MIIP: variants seen among roughly 807,000 people sequenced by gnomAD.
The protein encoded by MIIP is migration and invasion inhibitory protein, also known as migration and invasion-inhibitory protein.
Under a neutral mutation model 44.8 loss-of-function variants are expected in MIIP, and 44 were observed. The observed-to-expected ratio is 0.98, with a 90% CI of 0.77 to 1.26. The LOEUF is 1.26. MIIP is among the 50% of genes most tolerant of loss of function. MIIP has a pLI of 0.00. For synonymous variants in MIIP, 225 were observed against 218.3 expected (o/e 1.03, Z -0.27); for missense variants, 496 against 511.7 (o/e 0.97, Z 0.30).
Position 12,022,138 on chromosome 1 carries a change from C to T in MIIP, c.158C>T (p.Ser53Leu), listed in dbSNP as rs140386512. Reference sequence around the variant, plus strand: ...AGCAGCTACAACTCAGAGACTCCATCGACCCCAGAGACGTCCTCAACTTCC... The same window carrying T: ...AGCAGCTACAACTCAGAGACTCCATTGACCCCAGAGACGTCCTCAACTTCC... ...SSSSYNSETPSTPETSSTSLS... is the reference protein window; with the variant it reads ...SSSSYNSETPLTPETSSTSLS... Residue 53 changes from serine to leucine, a missense_variant, in exon 3 of 10, where the codon TCG (serine) becomes TTG (leucine). Physicochemically the swap from Ser to Leu is moderately radical, Grantham distance 145. Transcript: ENST00000235332. 22 of 1,613,926 alleles carry T rather than the reference C, an allele frequency of 1.4e-5. No homozygotes were observed. In the East Asian group the frequency reaches 4.5e-4, roughly 33 times the overall value.
At chr1:12,020,149 T>C (rs1027484735) in intron 1 of MIIP, among the ~76,000 whole-genome samples, 1 of 152,248 alleles carries the variant, frequency 6.6e-6, no homozygotes, top group Non-Finnish European at 1.5e-5. Context: ...CCTGAACTCA[T>C]GGACCCTGGA....
intron 4 of MIIP, chr1:12,028,672 C>T (rs188628520): frequency 3.8e-5 from 8 of 212,360 alleles, no homozygotes; most frequent in Admixed American, 1.6e-4. Flanking sequence ...TCTTGTATCA[C>T]GGGTTTTTTT....
chr1:12,022,394 G>A lies in MIIP; in HGVS notation c.414G>A (p.Glu138=). The A allele has an allele frequency of 5.0e-6, 8 of 1,606,776 alleles. No individual in the cohort carries two copies. Among genetic ancestry groups the A allele is most frequent in the Non-Finnish European group, 6.8e-6 (8 of 1,177,286 alleles). ...GGCTGGGTGATCCAGGACCCCAGGA[G>A]GCACAGACCCCGAGGTCCATCCTGG... is the stretch of plus-strand genomic sequence containing the variant. ...SGRLGDPGPQ[E]AQTPRSILAQ... Residue 138 remains glutamate (E), a synonymous_variant, in exon 3 of 10, where the codon GAG becomes GAA. Transcript: ENST00000235332.
At position 12,031,815 on chromosome 1, in the gene MIIP, A is replaced by C; in HGVS notation, c.*7A>C. 6.2e-7 allele frequency: 1 copy of C among 1,612,086 alleles called. No individual in the cohort carries two copies. Among genetic ancestry groups the C allele is most frequent in the Non-Finnish European group, 8.5e-7 (1 of 1,178,992 alleles). On this transcript the variant is annotated 3_prime_UTR_variant, in exon 10 of 10. Coordinates refer to ENST00000235332, the MANE Select transcript of MIIP (RefSeq NM_021933.4). ...CCCACGGCAGAAGCCCTGAGGACTGACTCCTGGGGGAGAACAGCATTCCCG... is the reference window on the plus strand; with the variant it reads ...CCCACGGCAGAAGCCCTGAGGACTGCCTCCTGGGGGAGAACAGCATTCCCG...
intron 8 of MIIP, among the ~76,000 whole-genome samples, chr1:12,030,485 C>A (rs989370717): frequency 6.6e-6 from 1 of 150,782 alleles, no homozygotes; most frequent in Non-Finnish European, 1.5e-5. Flanking sequence ...GTGGGGAGAC[C>A]GAAGCAGAGG....
At chr1:12,031,103 TAAGA>T in intron 8 of MIIP, 159 bp from the exon 9 acceptor site, 1 of 816,480 alleles carries the variant, frequency 1.2e-6, no homozygotes, top group Non-Finnish European at 1.9e-6. Context: ...TCTGCCAGGA[TAAGA>T]AAGGGGAGAG....
At chr1:12,025,498 G>T (rs1164081695) in intron 4 of MIIP, among the ~76,000 whole-genome samples, 5 of 152,184 alleles carry the variant, frequency 3.3e-5, no homozygotes, top group African/African-American at 9.7e-5. Context: ...TGGTGACATG[G>T]TTGTGCACTG....
chr1:12,026,510 C>G (rs1235031026), intron 4 of MIIP, among the ~76,000 whole-genome samples: 1 of 152,214 alleles, frequency 6.6e-6, no homozygotes, highest in East Asian at 1.9e-4. Flanking sequence ...ATGCTGCCAC[C>G]TGGACCCTGG....
chr1:12,026,634 CGT>C (rs1640109461), intron 4 of MIIP, among the ~76,000 whole-genome samples: 1 of 152,206 alleles, frequency 6.6e-6, no homozygotes. Context: ...TGAGCATGAA[CGT>C]GCAGGAAGCA....
chr1:12,031,415 A>C lies in MIIP; in HGVS notation c.1080+12A>C, dbSNP rs754427160. 6.2e-6 allele frequency: 10 copies of C among 1,610,090 alleles called. 1 individual carries two copies. Among genetic ancestry groups the C allele is most frequent in the Middle Eastern group, 3.3e-4 (2 of 6,058 alleles). On this transcript the variant is annotated intron_variant, in intron 9 of 9. Coordinates refer to ENST00000235332, the MANE Select transcript of MIIP (RefSeq NM_021933.4). ...GCCCTTTTCACCCGGTACGGTCCAGATCGCATCCTAGCCTGGGGTGCCCCC... is the reference window on the plus strand; with the variant it reads ...GCCCTTTTCACCCGGTACGGTCCAGCTCGCATCCTAGCCTGGGGTGCCCCC...
chr1:12,029,752 A>G lies in MIIP; in HGVS notation c.716-13A>G. 6.2e-7 allele frequency: 1 copy of G among 1,604,654 alleles called. No homozygotes were observed. The highest frequency in any genetic ancestry group is 8.5e-7 in the Non-Finnish European group (1 of 1,173,032). On this transcript the variant is annotated splice_polypyrimidine_tract_variant and intron_variant, in intron 6 of 9. Transcript: ENST00000235332. ...GGCTCAGGGAGAGCTGTGGCTTCTC[A>G]TGGGCCTCGCAGGCGTGTACTGTTA...
In MIIP at chr1:12,029,600, G is replaced by A. The variant is rs142529564; in HGVS notation, c.716-165G>A. On this transcript the variant is annotated intron_variant, in intron 6 of 9. Coordinates refer to ENST00000235332, the MANE Select transcript of MIIP (RefSeq NM_021933.4). ...GATGTCCCTCCCCACCCCTTAGGGC[G>A]TGGGCCCCAGGTTCTGGGAGGAAAG... 696 of 1,003,148 alleles carry A rather than the reference G, an allele frequency of 6.9e-4. 2 individuals carry two copies. In the African/African-American group the frequency reaches 0.01, roughly 15 times the overall value. The allele number at this position is 1,003,148 out of a possible 1,614,324, so 62.1% of individuals were successfully genotyped here.
intron 1 of MIIP, among the ~76,000 whole-genome samples, chr1:12,019,974 G>C (rs1352189358): frequency 1.3e-5 from 2 of 152,378 alleles, no homozygotes; most frequent in Middle Eastern, 3.4e-3. Flanking sequence ...GGCCCTGCGG[G>C]GTAATATACG....
chr1:12,028,495 G>A (rs533414643), intron 4 of MIIP, among the ~76,000 whole-genome samples: 70 of 152,072 alleles, frequency 4.6e-4, no homozygotes, highest in Admixed American at 1.5e-3. Context: ...GGGCCTTTGC[G>A]CTTGCTCTTT....
chr1:12,026,454 T>G (rs1046040786), intron 4 of MIIP, among the ~76,000 whole-genome samples: 15 of 152,172 alleles, frequency 9.9e-5, no homozygotes, highest in African/African-American at 3.6e-4. Flanking sequence ...GTACCTGCTC[T>G]TGGTCCATGC....
intron 8 of MIIP, chr1:12,031,055 C>T: frequency 1.7e-6 from 1 of 603,094 alleles, no homozygotes; most frequent in Non-Finnish European, 2.9e-6. Flanking sequence ...TCCTATCCTC[C>T]TCCCATTTCA....
At chr1:12,023,594 T>C (rs992211961) in intron 4 of MIIP, among the ~76,000 whole-genome samples, 1 of 150,736 alleles carries the variant, frequency 6.6e-6, no homozygotes, top group African/African-American at 2.4e-5. Context: ...TTGTTTTTTT[T>C]AGTAGAGACG....
At chr1:12,025,028 C>CTTTTTTT (rs147513513) in intron 4 of MIIP, among the ~76,000 whole-genome samples, 151 of 123,642 alleles carry the variant, frequency 1.2e-3, no homozygotes, top group Non-Finnish European at 1.5e-3. Flanking sequence ...AATTCCCTTC[C>CTTTTTTT]TTTTTTTTTT....
intron 4 of MIIP, among the ~76,000 whole-genome samples, chr1:12,026,869 C>T (rs969658915): frequency 2.6e-5 from 4 of 152,210 alleles, no homozygotes; most frequent in Non-Finnish European, 4.4e-5. Context: ...TTTCTCATCC[C>T]GATGCCACAT....
Sources: allele counts gnomAD v4.1 joint callset (sites outside exome capture counted in the v4.1 genomes callset), GRCh38; gene constraint gnomAD v4.1.1; transcripts MANE v1.5; gene names NCBI Gene and HGNC (gene_info 2026-07-23, HGNC 2026-07-21).